ALK: variants seen among roughly 807,000 people sequenced by gnomAD.
The protein encoded by ALK is ALK receptor tyrosine kinase, also known as ALK tyrosine kinase receptor.
ALK carries 74 observed loss-of-function variants against 163.1 expected under a neutral mutation model. That is an observed-to-expected ratio of 0.45 (90% confidence interval 0.38 to 0.55). ALK has a LOEUF of 0.55. Ranked by LOEUF, ALK falls within the 20% of genes least tolerant of loss-of-function variation. The pLI is 0.00. For synonymous variants in ALK, 960 were observed against 843.2 expected (o/e 1.14, Z -2.40); for missense variants, 2,063 against 2,105.3 (o/e 0.98, Z 0.39).
intron 1 of ALK, among the ~76,000 whole-genome samples, chr2:29,800,398 T>A (rs1034576612): frequency 7.2e-5 from 11 of 152,172 alleles, no homozygotes; most frequent in African/African-American, 2.7e-4. Context: ...TGTGAACCAT[T>A]ACTTGGTTTT....
intron 2 of ALK, among the ~76,000 whole-genome samples, chr2:29,704,144 T>C (rs1158080586): frequency 3.5e-5 from 5 of 140,958 alleles, no homozygotes; most frequent in Admixed American, 3.0e-4. Context: ...ACGGCAATTC[T>C]CTTACAGCTG....
chr2:29,328,148 T>C (rs1023317549), intron 6 of ALK, among the ~76,000 whole-genome samples: 2 of 152,224 alleles, frequency 1.3e-5, no homozygotes, highest in Non-Finnish European at 2.9e-5. Flanking sequence ...TCTTGACTTA[T>C]ATGACTACGG....
At chr2:29,506,943 A>AT (rs1383975329) in intron 4 of ALK, among the ~76,000 whole-genome samples, 96 of 152,332 alleles carry the variant, frequency 6.3e-4, no homozygotes, top group Non-Finnish European at 1.2e-3. Flanking sequence ...AAAATGATGC[A>AT]GCCACTATGG....
At chr2:29,520,163 T>C (rs1573423570) in intron 4 of ALK, among the ~76,000 whole-genome samples, 2 of 152,220 alleles carry the variant, frequency 1.3e-5, no homozygotes, top group Middle Eastern at 3.4e-3. Context: ...AAGACTAACA[T>C]AGGCCAGCAT....
At chr2:29,301,700 T>A (rs562676679) in intron 8 of ALK, among the ~76,000 whole-genome samples, 1 of 152,360 alleles carries the variant, frequency 6.6e-6, no homozygotes, top group African/African-American at 2.4e-5. Flanking sequence ...GCTGATGGTA[T>A]GAGCATGTCA....
Position 29,229,081 on chromosome 2 carries a change from A to G in ALK, c.2633-15T>C, listed in dbSNP as rs1558627607. On this transcript the variant is annotated splice_polypyrimidine_tract_variant and intron_variant, in intron 15 of 28. Coordinates refer to ENST00000389048, the MANE Select transcript of ALK (RefSeq NM_004304.5). ...ACCTCCACCACCTGCGGGAAGAGAT[A>G]GGGAACCTGCGTGAGGATGCTGGCA... 6.2e-7 allele frequency: 1 copy of G among 1,613,136 alleles called. No homozygotes were observed. The highest frequency in any genetic ancestry group is 2.2e-5 in the East Asian group (1 of 44,844).
intron 4 of ALK, among the ~76,000 whole-genome samples, chr2:29,518,303 C>T (rs924134686): frequency 8.5e-5 from 13 of 152,324 alleles, no homozygotes; most frequent in Non-Finnish European, 1.5e-4. Flanking sequence ...AGGGGCAAAG[C>T]TGGCAGGCTA....
At chr2:29,677,261 CTCCCCTCCCCTCCCA>C (rs1677906978) in intron 3 of ALK, among the ~76,000 whole-genome samples, 1 of 132,556 alleles carries the variant, frequency 7.5e-6, no homozygotes, top group Non-Finnish European at 1.6e-5. Flanking sequence ...CTCCCCTCCC[CTCCCCTCCCCTCCCA>C]TCCCCTCCCC....
At chr2:29,624,874 T>TG (rs1467532291) in intron 3 of ALK, among the ~76,000 whole-genome samples, 2 of 152,096 alleles carry the variant, frequency 1.3e-5, no homozygotes, top group Non-Finnish European at 2.9e-5. Context: ...TACAGGAGGG[T>TG]GTTCACTGTG....
intron 5 of ALK, among the ~76,000 whole-genome samples, chr2:29,379,097 G>A (rs1185467435): frequency 6.6e-6 from 1 of 152,150 alleles, no homozygotes; most frequent in African/African-American, 2.4e-5. Flanking sequence ...TGAACCTGAG[G>A]GGTCCCGGTG....
At chr2:29,896,367 T>C (rs958273608) in intron 1 of ALK, among the ~76,000 whole-genome samples, 3 of 152,148 alleles carry the variant, frequency 2.0e-5, no homozygotes, top group African/African-American at 7.2e-5. Flanking sequence ...CGTTCATTCA[T>C]CTGTTGAAGC....
rs890975331 is a variant in ALK at position 29,246,472 on chromosome 2, G to T, written c.2204+4633C>A. Reference sequence around the variant, plus strand: ...GCAGTGGCCTCCCACTCTCCCATCCGCTCCAGCCACCCACCCTCTAGACAC... The same window carrying T: ...GCAGTGGCCTCCCACTCTCCCATCCTCTCCAGCCACCCACCCTCTAGACAC... On this transcript the variant is annotated intron_variant, in intron 12 of 28. Coordinates refer to ENST00000389048, the MANE Select transcript of ALK (RefSeq NM_004304.5). The surrounding 1 kb of genome is among the most constrained non-coding windows in gnomAD (Gnocchi z 4.3). Among the ~76,000 whole-genome samples the T allele has an allele frequency of 6.6e-6, 1 of 152,072 alleles. No homozygotes were observed. The highest frequency in any genetic ancestry group is 2.4e-5 in the African/African-American group (1 of 41,400).
intron 3 of ALK, among the ~76,000 whole-genome samples, chr2:29,645,806 C>A (rs1031610981): frequency 1.3e-5 from 2 of 152,138 alleles, no homozygotes; most frequent in African/African-American, 2.4e-5. Context: ...TTCTGGGACA[C>A]AGGGCTCTCT....
At chr2:29,685,633 C>CTGGCCT (rs1678214812) in intron 3 of ALK, among the ~76,000 whole-genome samples, 1 of 151,970 alleles carries the variant, frequency 6.6e-6, no homozygotes, top group African/African-American at 2.4e-5. Context: ...CAGGTAAGCC[C>CTGGCCT]TGGCCCTGGC....
At chr2:29,712,652 C>T (rs769041181) in intron 2 of ALK, among the ~76,000 whole-genome samples, 1 of 151,532 alleles carries the variant, frequency 6.6e-6, no homozygotes, top group Non-Finnish European at 1.5e-5. Context: ...TTTAATTTAC[C>T]TAGTCTTTTC....
chr2:29,659,932 C>T (rs1677301111), intron 3 of ALK, among the ~76,000 whole-genome samples: 1 of 152,152 alleles, frequency 6.6e-6, no homozygotes, highest in Non-Finnish European at 1.5e-5. Context: ...GCTGTTTCTC[C>T]CTTTACCTTA....
intron 4 of ALK, among the ~76,000 whole-genome samples, chr2:29,416,595 AGT>A (rs1186045018): frequency 6.6e-6 from 1 of 152,256 alleles, no homozygotes; most frequent in Non-Finnish European, 1.5e-5. Context: ...CTTTGGGGAT[AGT>A]GTCAGGAAGC....
At chr2:29,477,175 TG>T (rs1308788742) in intron 4 of ALK, among the ~76,000 whole-genome samples, 1 of 152,084 alleles carries the variant, frequency 6.6e-6, no homozygotes, top group Non-Finnish European at 1.5e-5. Context: ...AGATACTTCC[TG>T]GGGTGGAAGG....
At chr2:29,648,645 T>C (rs1387827513) in intron 3 of ALK, among the ~76,000 whole-genome samples, 1 of 152,192 alleles carries the variant, frequency 6.6e-6, no homozygotes, top group African/African-American at 2.4e-5. Flanking sequence ...TTTAGCATCA[T>C]TATTTCAAGC....
Sources: allele counts gnomAD v4.1 joint callset (sites outside exome capture counted in the v4.1 genomes callset), GRCh38; gene constraint gnomAD v4.1.1; non-coding constraint Gnocchi (gnomAD v3.1); transcripts MANE v1.5; gene names NCBI Gene and HGNC (gene_info 2026-07-23, HGNC 2026-07-21).